Variants in RELN observed in about 807,000 individuals in gnomAD.
RELN encodes the protein reelin.
Under a neutral mutation model 427.6 loss-of-function variants are expected in RELN, and 108 were observed. The observed-to-expected ratio is 0.25, with a 90% CI of 0.22 to 0.30. RELN has a LOEUF of 0.30. RELN is among the 10% of genes least tolerant of loss of function. The probability of loss-of-function intolerance (pLI) is 1.00; values close to 1 mark genes in which losing one functional copy is unlikely to be tolerated. For synonymous variants in RELN, 1,524 were observed against 1,513.4 expected (o/e 1.01, Z -0.16); for missense variants, 3,715 against 4,302.8 (o/e 0.86, Z 3.82).
intron 24 of RELN, among the ~76,000 whole-genome samples, chr7:103,597,148 T>A (rs892828131): frequency 6.6e-6 from 1 of 152,176 alleles, no homozygotes; most frequent in Admixed American, 6.5e-5. Context: ...CTTCCTCATA[T>A]GGTGTTGTGA....
chr7:103,494,020 C>T (rs894285787), intron 57 of RELN, among the ~76,000 whole-genome samples: 14 of 152,102 alleles, frequency 9.2e-5, no homozygotes, highest in Admixed American at 7.9e-4. Flanking sequence ...CCAATCAACT[C>T]AATCAAATAT....
intron 2 of RELN, among the ~76,000 whole-genome samples, 155 bp from the exon 3 acceptor site, chr7:103,833,827 A>G (rs1012075693): frequency 6.6e-6 from 1 of 152,192 alleles, no homozygotes; most frequent in African/African-American, 2.4e-5. Flanking sequence ...TTTTATTGCT[A>G]CAGGGAAATT....
chr7:103,580,363 G>C (rs1457768221), intron 28 of RELN, among the ~76,000 whole-genome samples: 1 of 152,104 alleles, frequency 6.6e-6, no homozygotes, highest in Non-Finnish European at 1.5e-5. Context: ...CAAGCTGGAT[G>C]GTATCCAAAT....
intron 46 of RELN, 49 bp downstream of exon 46, chr7:103,535,267 G>A (rs368620480): frequency 1.3e-6 from 2 of 1,562,796 alleles, no homozygotes; most frequent in Non-Finnish European, 1.8e-6. Context: ...ATCACATTTG[G>A]GCTCACTATA....
chr7:103,566,349 G>C lies in RELN; in HGVS notation c.4811C>G (p.Thr1604Ser). Residue 1604 changes from threonine to serine, a missense_variant, in exon 33 of 65, where the codon ACT becomes AGT. Thr to Ser is a moderately conservative substitution (Grantham distance 58). This residue lies in a region of RELN where 2,208 missense variants were observed against 2,361.7 expected (regional missense o/e 0.93). Coordinates refer to ENST00000428762, the MANE Select transcript of RELN (RefSeq NM_005045.4). ...GCCATCAAATTTGTCTTGAAATCCA[G>C]TTTGAGAGCTGTCATTCATTCCTAT... The part of the protein sequence containing the change: ...VLIGMNDSSQ[T>S]GFQDKFDGSI... The C allele has an allele frequency of 1.2e-6, 2 of 1,614,088 alleles. No homozygotes were observed. Among genetic ancestry groups the C allele is most frequent in the Non-Finnish European group, 1.7e-6 (2 of 1,179,958 alleles).
intron 1 of RELN, among the ~76,000 whole-genome samples, chr7:103,934,961 C>T (rs1289854222): frequency 6.6e-6 from 1 of 152,204 alleles, no homozygotes; most frequent in Admixed American, 6.5e-5. Flanking sequence ...AATAGAACAA[C>T]TAGCAGCTAA....
At chr7:103,762,962 A>G (rs1791339364) in intron 4 of RELN, among the ~76,000 whole-genome samples, 1 of 152,224 alleles carries the variant, frequency 6.6e-6, no homozygotes, top group South Asian at 2.1e-4. Flanking sequence ...TGCCCCCAGG[A>G]CTTCAATTTG....
At position 103,522,159 on chromosome 7, in the gene RELN, C is replaced by T. The variant is rs367906773; in HGVS notation, c.7531G>A (p.Glu2511Lys). Residue 2511 changes from glutamate (E) to lysine (K), a missense_variant, in exon 48 of 65, where the codon GAG becomes AAG. By Grantham distance (56) the Glu-to-Lys change is moderately conservative (BLOSUM62 1). Coordinates refer to ENST00000428762, the MANE Select transcript of RELN (RefSeq NM_005045.4). ...TTGAGTTGGGTTGGAAGAGAGGTCTCGGGGTCATCACAGTACAGGCCACCC... is the reference window on the plus strand; with the variant it reads ...TTGAGTTGGGTTGGAAGAGAGGTCTTGGGGTCATCACAGTACAGGCCACCC... ...QWGGLYCDDP[E>K]TSLPTQLKDN... 1.7e-5 allele frequency: 28 copies of T among 1,613,896 alleles called. No homozygotes were observed. Among genetic ancestry groups the T allele is most frequent in the Admixed American group, 3.3e-5 (2 of 59,990 alleles).
chr7:103,566,360 G>A lies in RELN; in HGVS notation c.4800C>T (p.Asp1600=), dbSNP rs1448191392. ...ALDDVLIGMN[D]SSQTGFQDKF... Reference sequence around the variant, plus strand: ...TGTCTTGAAATCCAGTTTGAGAGCTGTCATTCATTCCTATAAGAACATCAT... The same window carrying A: ...TGTCTTGAAATCCAGTTTGAGAGCTATCATTCATTCCTATAAGAACATCAT... The change falls in exon 33 of 65, where the codon GAC becomes GAT. Residue 1600 remains aspartate (D), a synonymous_variant. Transcript: ENST00000428762. 6.2e-7 allele frequency: 1 copy of A among 1,614,068 alleles called. No homozygotes were observed. Among genetic ancestry groups the A allele is most frequent in the South Asian group, 1.1e-5 (1 of 91,076 alleles).
At chr7:103,941,025 G>A (rs187287417) in intron 1 of RELN, among the ~76,000 whole-genome samples, 99 of 152,228 alleles carry the variant, frequency 6.5e-4, no homozygotes, top group Admixed American at 9.8e-4. Context: ...CGCAATAAGC[G>A]TTCAAGGCCC....
intron 1 of RELN, among the ~76,000 whole-genome samples, chr7:103,939,482 GCATACCACGCA>G (rs1352687655): frequency 6.6e-6 from 1 of 152,006 alleles, no homozygotes; most frequent in Non-Finnish European, 1.5e-5. Flanking sequence ...ACACACACAT[GCATACCACGCA>G]CATATGATGA....
At chr7:103,954,872 C>T (rs1220784855) in intron 1 of RELN, among the ~76,000 whole-genome samples, 1 of 152,060 alleles carries the variant, frequency 6.6e-6, no homozygotes, top group Non-Finnish European at 1.5e-5. Context: ...ATCCTTTGTG[C>T]TAATTTTTAA....
chr7:103,564,637 A>G (rs1830708153), intron 34 of RELN, among the ~76,000 whole-genome samples: 1 of 151,992 alleles, frequency 6.6e-6, no homozygotes, highest in Non-Finnish European at 1.5e-5. Flanking sequence ...GGAGGCTGGG[A>G]AATGCAGCCT....
Position 103,556,990 on chromosome 7 carries a change from T to C in RELN, c.5784A>G (p.Gln1928=). The part of the protein sequence containing the change: ...QTNATRFRLW[Q]PYNNGKKEEI... ...ATGCATTTTTACCGTTATTATAAGG[T>C]TGCCAGAGTCTGAATCTTGTAGCAT... Residue 1928 remains glutamine (Q), a synonymous_variant, in exon 38 of 65, where the codon CAA becomes CAG. Transcript: ENST00000428762. 1 of 1,612,424 alleles carries C rather than the reference T, an allele frequency of 6.2e-7. No homozygotes were observed. The highest frequency in any genetic ancestry group is 8.5e-7 in the Non-Finnish European group (1 of 1,178,412).
chr7:103,857,818 A>C (rs1376400695), intron 2 of RELN, among the ~76,000 whole-genome samples: 3 of 152,292 alleles, frequency 2.0e-5, no homozygotes, highest in Non-Finnish European at 2.9e-5. Flanking sequence ...AAAATATGCT[A>C]ATCAGTTGTC....
chr7:103,870,180 C>A (rs1273775517), intron 2 of RELN, among the ~76,000 whole-genome samples: 1 of 151,936 alleles, frequency 6.6e-6, no homozygotes, highest in Non-Finnish European at 1.5e-5. Context: ...TGCTTTAGTT[C>A]TTTGTACCTA....
intron 15 of RELN, among the ~76,000 whole-genome samples, chr7:103,650,644 G>T (rs546262352): frequency 6.6e-6 from 1 of 152,168 alleles, no homozygotes; most frequent in Non-Finnish European, 1.5e-5. Context: ...TTTATTGTTA[G>T]AGACAGGGTC....
intron 3 of RELN, among the ~76,000 whole-genome samples, chr7:103,778,887 C>T (rs903279007): frequency 2.0e-5 from 3 of 152,156 alleles, no homozygotes; most frequent in African/African-American, 7.2e-5. Context: ...TTCAAAATTA[C>T]GGGGCTCCAC....
At chr7:103,619,087 C>T (rs992381826) in intron 20 of RELN, among the ~76,000 whole-genome samples, 3 of 150,910 alleles carry the variant, frequency 2.0e-5, no homozygotes, top group South Asian at 2.1e-4. Flanking sequence ...CCAGCCTGGG[C>T]GACAGAGTGA....
Sources: allele counts gnomAD v4.1 joint callset (sites outside exome capture counted in the v4.1 genomes callset), GRCh38; gene constraint gnomAD v4.1.1; regional missense constraint gnomAD v4.1.1; transcripts MANE v1.5; gene names NCBI Gene and HGNC (gene_info 2026-07-23, HGNC 2026-07-21).